KANSL2: variants seen among roughly 807,000 people sequenced by gnomAD.
KANSL2 encodes the protein KAT8 regulatory NSL complex subunit 2.
Under a neutral mutation model 55.6 loss-of-function variants are expected in KANSL2, and 34 were observed. That is an observed-to-expected ratio of 0.61 (90% CI 0.46 to 0.81). The LOEUF (loss-of-function observed/expected upper bound fraction) is 0.81, where lower values mean the gene tolerates loss of function less well. KANSL2 is among the 40% of genes least tolerant of loss of function. KANSL2 has a pLI of 0.00. For synonymous variants in KANSL2, 209 were observed against 214.3 expected, an observed-to-expected ratio of 0.98 and a Z score of 0.22; for missense variants, 502 against 609.9, an observed-to-expected ratio of 0.82 and a Z score of 1.86.
At chr12:48,676,569 A>T (rs929459634) in intron 4 of KANSL2, among the ~76,000 whole-genome samples, 2 of 152,078 alleles carry the variant, frequency 1.3e-5, no homozygotes, top group African/African-American at 4.8e-5. Flanking sequence ...GAGGCAGGAA[A>T]ATCATTTGAA....
intron 8 of KANSL2, among the ~76,000 whole-genome samples, 191 bp from the exon 9 acceptor site, chr12:48,655,251 C>A (rs1342618881): frequency 6.6e-6 from 1 of 152,134 alleles, no homozygotes; most frequent in Admixed American, 6.5e-5. Context: ...CTTTTGCTGC[C>A]AAGTGTAAAA....
At chr12:48,681,875 C>T (rs1290089756) in intron 1 of KANSL2, 1 of 704,522 alleles carries the variant, frequency 1.4e-6, no homozygotes, top group South Asian at 1.5e-5. Context: ...AATGTATCTT[C>T]AGGACTCGCA....
rs1939322839 is a variant in KANSL2, at chr12:48,653,623, A to G, written c.*421T>C. On this transcript the variant is annotated 3_prime_UTR_variant, in exon 10 of 10. Coordinates refer to ENST00000420613, the MANE Select transcript of KANSL2 (RefSeq NM_017822.4). Reference sequence around the variant, plus strand: ...CAGGGAAAGGGGTTAAAGACTGCCCAATTAAGTAGAGGTGAAGAAAAGCTA... The same window carrying G: ...CAGGGAAAGGGGTTAAAGACTGCCCGATTAAGTAGAGGTGAAGAAAAGCTA... 6.5e-6 allele frequency: 1 copy of G among 154,916 alleles called. No individual in the cohort carries two copies. Among genetic ancestry groups the G allele is most frequent in the Non-Finnish European group, 1.4e-5 (1 of 69,892 alleles). 9.6% of individuals were successfully genotyped at this position (154,916 alleles called of 1,614,324 possible). A position where few individuals can be genotyped will look rare whatever the true frequency, so the allele number is the denominator to read the frequency against.
chr12:48,668,851 C>T (rs1939651699), intron 6 of KANSL2, among the ~76,000 whole-genome samples: 1 of 151,974 alleles, frequency 6.6e-6, no homozygotes, highest in Admixed American at 6.6e-5. Flanking sequence ...ACCAGCCTGG[C>T]CAACATAGTG....
intron 4 of KANSL2, among the ~76,000 whole-genome samples, chr12:48,672,916 G>A (rs907573055): frequency 3.3e-5 from 5 of 151,732 alleles, no homozygotes; most frequent in African/African-American, 1.2e-4. Flanking sequence ...CTACCACCAC[G>A]CCCAGCTAAT....
intron 2 of KANSL2, 186 bp downstream of exon 2, chr12:48,681,196 T>G: frequency 2.0e-6 from 1 of 500,850 alleles, no homozygotes; most frequent in Admixed American, 3.8e-5. Flanking sequence ...ACCAAAGAGG[T>G]GAACTAAGTA....
chr12:48,678,933 GC>G, intron 4 of KANSL2, 102 bp downstream of exon 4: 1 of 740,924 alleles, frequency 1.3e-6, no homozygotes, highest in South Asian at 1.7e-5. Context: ...CTGACAAATA[GC>G]TGTCTTCAAC....
chr12:48,678,495 G>A (rs969742419), intron 4 of KANSL2, among the ~76,000 whole-genome samples: 1 of 151,894 alleles, frequency 6.6e-6, no homozygotes, highest in African/African-American at 2.4e-5. Context: ...CTAAATGCTT[G>A]AGCTGATGAA....
Position 48,679,537 on chromosome 12 carries a change from C to T in KANSL2, c.430+118G>A, listed in dbSNP as rs566887030. The T allele has an allele frequency of 3.1e-5, 25 of 794,048 alleles. No individual in the cohort carries two copies. In the East Asian group the frequency reaches 6.7e-4, roughly 21 times the overall value. The allele number at this position is 794,048 out of a possible 1,614,324, so 49.2% of individuals were successfully genotyped here. Reference sequence around the variant, plus strand: ...AACAACAAAGCAATCCCAGCATTCTCACCAAATTCCTGATGAATTAACAAT... The same window carrying T: ...AACAACAAAGCAATCCCAGCATTCTTACCAAATTCCTGATGAATTAACAAT... On this transcript the variant is annotated intron_variant, in intron 3 of 9. Coordinates refer to ENST00000420613, the MANE Select transcript of KANSL2 (RefSeq NM_017822.4).
At chr12:48,664,674 C>T (rs1358033421) in intron 7 of KANSL2, among the ~76,000 whole-genome samples, 1 of 149,652 alleles carries the variant, frequency 6.7e-6, no homozygotes, top group Non-Finnish European at 1.5e-5. Flanking sequence ...CTCCACCTCC[C>T]AGGTTCAAGC....
chr12:48,655,650 G>A (rs961009767), intron 8 of KANSL2, among the ~76,000 whole-genome samples: 1 of 152,162 alleles, frequency 6.6e-6, no homozygotes, highest in African/African-American at 2.4e-5. Flanking sequence ...AAAGGGAAAG[G>A]AGAGAGTTAC....
At chr12:48,676,429 C>T (rs563555954) in intron 4 of KANSL2, among the ~76,000 whole-genome samples, 1 of 152,094 alleles carries the variant, frequency 6.6e-6, no homozygotes, top group Non-Finnish European at 1.5e-5. Flanking sequence ...GGGAGGCTGA[C>T]GGGCAGATCA....
chr12:48,663,913 CTTTTT>C (rs34879709), intron 7 of KANSL2, among the ~76,000 whole-genome samples: 3 of 112,548 alleles, frequency 2.7e-5, no homozygotes, highest in Non-Finnish European at 3.6e-5. Flanking sequence ...AACTATTAGC[CTTTTT>C]TTTTTTTTTT....
chr12:48,681,247 G>T, intron 2 of KANSL2, 135 bp downstream of exon 2: 7 of 1,003,232 alleles, frequency 7.0e-6, no homozygotes, highest in South Asian at 1.8e-5. Flanking sequence ...CGTTTTTTCA[G>T]TTTTCCAAGG....
At position 48,679,803 on chromosome 12, in the gene KANSL2, C is replaced by T; in HGVS notation, c.282G>A (p.Arg94=). The T allele has an allele frequency of 6.2e-7, 1 of 1,606,338 alleles. No individual in the cohort carries two copies. The highest frequency in any genetic ancestry group is 8.5e-7 in the Non-Finnish European group (1 of 1,176,218). The change falls in exon 3 of 10, where the codon AGG becomes AGA. Residue 94 remains arginine, a synonymous_variant. Transcript: ENST00000420613. The part of the protein sequence containing the change: ...GVSFCAEHVR[R]NALALHAQMK... The stretch of plus-strand genomic sequence containing the variant: ...TTTGAGCATGAAGTGCCAGGGCATT[C>T]CTACGGACATGTTCAGCACAGAAGG...
chr12:48,660,728 T>C, intron 7 of KANSL2, 109 bp from the exon 8 acceptor site: 1 of 1,098,322 alleles, frequency 9.1e-7, no homozygotes, highest in South Asian at 1.7e-5. Flanking sequence ...TAAGATAAAT[T>C]ACAACTACAT....
At chr12:48,659,403 C>A (rs549381572) in intron 8 of KANSL2, among the ~76,000 whole-genome samples, 2 of 152,134 alleles carry the variant, frequency 1.3e-5, no homozygotes, top group Admixed American at 6.5e-5. Flanking sequence ...GTAAGAGGAT[C>A]ACTTGAGCCT....
At chr12:48,662,470 A>C in intron 7 of KANSL2, 1 of 1,125,798 alleles carries the variant, frequency 8.9e-7, no homozygotes. Flanking sequence ...ATACCACAAT[A>C]TCCTAAAAAA....
At chr12:48,682,146 C>T in intron 1 of KANSL2, 41 bp downstream of exon 1, 1 of 702,480 alleles carries the variant, frequency 1.4e-6, no homozygotes, top group Non-Finnish European at 2.6e-6. Context: ...AAATAGCAGC[C>T]CAACCGCAAG....
Sources: allele counts gnomAD v4.1 joint callset (sites outside exome capture counted in the v4.1 genomes callset), GRCh38; gene constraint gnomAD v4.1.1; transcripts MANE v1.5; gene names NCBI Gene and HGNC (gene_info 2026-07-23, HGNC 2026-07-21).